GPC6: variants seen among roughly 807,000 people sequenced by gnomAD.
The protein encoded by GPC6 is glypican 6.
Under a neutral mutation model 55.2 loss-of-function variants are expected in GPC6, and 14 were observed. That is an observed-to-expected ratio of 0.25 (90% CI 0.17 to 0.40). The LOEUF (loss-of-function observed/expected upper bound fraction) is 0.40, where lower values mean the gene tolerates loss of function less well. Ranked by LOEUF, GPC6 falls within the 10% of genes least tolerant of loss-of-function variation. The probability of loss-of-function intolerance (pLI) is 1.00; values close to 1 mark genes in which losing one functional copy is unlikely to be tolerated. For synonymous variants in GPC6, 278 were observed against 259.6 expected (o/e 1.07, Z -0.68); for missense variants, 641 against 708.5 (o/e 0.90, Z 1.08).
intron 4 of GPC6, among the ~76,000 whole-genome samples, chr13:94,141,648 G>A (rs1887381856): frequency 6.6e-6 from 1 of 152,112 alleles, no homozygotes; most frequent in African/African-American, 2.4e-5. Flanking sequence ...CACATTTTAA[G>A]TTTACAAATA....
intron 2 of GPC6, among the ~76,000 whole-genome samples, chr13:93,739,947 G>T (rs962803091): frequency 2.6e-5 from 4 of 152,140 alleles, no homozygotes; most frequent in Non-Finnish European, 4.4e-5. Context: ...AATGAGGAAA[G>T]AGATCGAGAG....
At chr13:94,164,932 G>A (rs1888299223) in intron 4 of GPC6, among the ~76,000 whole-genome samples, 1 of 151,886 alleles carries the variant, frequency 6.6e-6, no homozygotes, top group Non-Finnish European at 1.5e-5. Context: ...TTGCCATTCT[G>A]TTCTTCAAAG....
chr13:93,246,857 C>A (rs1876620366), intron 1 of GPC6, among the ~76,000 whole-genome samples: 2 of 148,300 alleles, frequency 1.3e-5, no homozygotes, highest in Non-Finnish European at 3.0e-5. Flanking sequence ...AAATGACAGG[C>A]CTTACATTTT....
intron 4 of GPC6, among the ~76,000 whole-genome samples, chr13:94,058,314 G>A (rs141056860): frequency 3.3e-5 from 5 of 152,290 alleles, no homozygotes; most frequent in Non-Finnish European, 7.3e-5. Context: ...CCAATGGAGA[G>A]ACCTAGCCCA....
intron 4 of GPC6, among the ~76,000 whole-genome samples, chr13:94,210,098 T>G (rs1890032652): frequency 6.6e-6 from 1 of 152,070 alleles, no homozygotes; most frequent in Non-Finnish European, 1.5e-5. Context: ...TCCTCCCTCC[T>G]TAGTCTCACA....
intron 1 of GPC6, among the ~76,000 whole-genome samples, chr13:93,464,529 C>T (rs1452160108): frequency 6.6e-6 from 1 of 152,180 alleles, no homozygotes; most frequent in Non-Finnish European, 1.5e-5. Context: ...CCATAAGAAG[C>T]AACTCCTCAT....
At chr13:94,352,684 G>A (rs1427788610) in intron 6 of GPC6, among the ~76,000 whole-genome samples, 1 of 152,078 alleles carries the variant, frequency 6.6e-6, no homozygotes, top group Non-Finnish European at 1.5e-5. Flanking sequence ...ATTCCTTATG[G>A]CTTTTCTACA....
chr13:93,947,419 A>G (rs1879059282), intron 3 of GPC6, among the ~76,000 whole-genome samples: 3 of 152,248 alleles, frequency 2.0e-5, no homozygotes, highest in South Asian at 4.1e-4. Context: ...GACTTCTGAT[A>G]TAGTCCCATA....
At chr13:93,744,249 C>T (rs565130000) in intron 2 of GPC6, among the ~76,000 whole-genome samples, 11 of 152,148 alleles carry the variant, frequency 7.2e-5, no homozygotes, top group Non-Finnish European at 1.2e-4. Flanking sequence ...TGACCTCTGA[C>T]TTTTCTCATC....
chr13:94,180,224 G>A (rs556786327), intron 4 of GPC6, among the ~76,000 whole-genome samples: 10 of 152,248 alleles, frequency 6.6e-5, no homozygotes, highest in Non-Finnish European at 1.3e-4. Flanking sequence ...TCCTATGACC[G>A]TGACATTGGA....
intron 6 of GPC6, among the ~76,000 whole-genome samples, chr13:94,343,322 C>T (rs1239230849): frequency 6.6e-6 from 1 of 152,180 alleles, no homozygotes; most frequent in Non-Finnish European, 1.5e-5. Context: ...ACATGGATTC[C>T]TTCACAGCCA....
intron 2 of GPC6, among the ~76,000 whole-genome samples, chr13:93,810,639 TGATA>T (rs1269467573): frequency 2.0e-5 from 3 of 152,222 alleles, no homozygotes; most frequent in Non-Finnish European, 2.9e-5. Context: ...TAAAGAATTC[TGATA>T]GATCTGATTC....
At chr13:93,760,426 C>T (rs111617653) in intron 2 of GPC6, among the ~76,000 whole-genome samples, 14 of 152,092 alleles carry the variant, frequency 9.2e-5, no homozygotes, top group African/African-American at 2.9e-4. Flanking sequence ...TTGATTTTGC[C>T]GGGAGCTAGA....
At chr13:93,591,531 AC>A (rs1471083899) in intron 2 of GPC6, among the ~76,000 whole-genome samples, 1 of 152,066 alleles carries the variant, frequency 6.6e-6, no homozygotes. Flanking sequence ...AAAATGTGTA[AC>A]TTTTGCATTC....
intron 1 of GPC6, among the ~76,000 whole-genome samples, chr13:93,378,807 C>T (rs915522943): frequency 6.6e-6 from 1 of 151,904 alleles, no homozygotes; most frequent in Non-Finnish European, 1.5e-5. Flanking sequence ...ACCAGCCTGG[C>T]CAACATGGTG....
chr13:93,678,541 A>C (rs1881731159), intron 2 of GPC6, among the ~76,000 whole-genome samples: 1 of 152,172 alleles, frequency 6.6e-6, no homozygotes, highest in Non-Finnish European at 1.5e-5. Context: ...AAATGGTACC[A>C]GTGTATCTGG....
At chr13:94,133,248 T>C (rs1887063687) in intron 4 of GPC6, among the ~76,000 whole-genome samples, 1 of 114,654 alleles carries the variant, frequency 8.7e-6, no homozygotes, top group Non-Finnish European at 1.6e-5. Flanking sequence ...ATGCCCACCA[T>C]ACAGGTACTG....
intron 4 of GPC6, among the ~76,000 whole-genome samples, chr13:94,162,395 C>T (rs975484580): frequency 4.6e-5 from 7 of 152,214 alleles, no homozygotes; most frequent in African/African-American, 1.4e-4. Flanking sequence ...TCCTTGAGAA[C>T]CAATCAGCTG....
At chr13:93,585,884 G>T (rs116160060) in intron 2 of GPC6, among the ~76,000 whole-genome samples, 1,752 of 152,112 alleles carry the variant, frequency 0.012, 34 homozygotes, top group African/African-American at 0.04. Flanking sequence ...TCTTGCTACT[G>T]TACCAGAATC....
Sources: allele counts gnomAD v4.1 joint callset (sites outside exome capture counted in the v4.1 genomes callset), GRCh38; gene constraint gnomAD v4.1.1; transcripts MANE v1.5; gene names NCBI Gene and HGNC (gene_info 2026-07-23, HGNC 2026-07-21).